The following LRP6 variants were observed in gnomAD, a reference collection of about 807,000 sequenced individuals.
LRP6 encodes the protein LDL receptor related protein 6, also known as low-density lipoprotein receptor-related protein 6.
In LRP6, 43 loss-of-function variants were observed where a neutral mutation model predicts 184.1. The ratio of observed to expected loss-of-function variants is 0.23; its 90% CI spans 0.18 to 0.30. The LOEUF (loss-of-function observed/expected upper bound fraction) is 0.30. LRP6 is among the 10% of genes least tolerant of loss of function. The probability of loss-of-function intolerance (pLI) is 1.00; values close to 1 mark genes in which losing one functional copy is unlikely to be tolerated. For synonymous variants in LRP6, 719 were observed against 684.9 expected (o/e 1.05, Z -0.78); for missense variants, 1,571 against 2,005.3 (o/e 0.78, Z 4.14).
At chr12:12,171,335 T>A (rs1016494698) in intron 7 of LRP6, among the ~76,000 whole-genome samples, 1 of 151,944 alleles carries the variant, frequency 6.6e-6, no homozygotes, top group Non-Finnish European at 1.5e-5. Context: ...GCTAACATGG[T>A]GAAACTCCAT....
At chr12:12,172,885 A>T (rs1339379652) in intron 7 of LRP6, among the ~76,000 whole-genome samples, 2 of 152,228 alleles carry the variant, frequency 1.3e-5, no homozygotes, top group Non-Finnish European at 2.9e-5. Flanking sequence ...AGAGAGAGGT[A>T]GGGGCAATTA....
At position 12,120,018 on chromosome 12, in the gene LRP6, T is replaced by TATATATATATATAA; in HGVS notation, c.*1107_*1108insTTATATATATATAT. On this transcript the variant is annotated 3_prime_UTR_variant, in exon 23 of 23. Transcript: ENST00000261349. ...ATATATATATATATATATATATATA[T>TATATATATATATAA]ATATATATATATATATATATATATA... 9.6e-6 allele frequency: 1 copy of TATATATATATATAA among 103,688 alleles called. No homozygotes were observed. Among genetic ancestry groups the TATATATATATATAA allele is most frequent in the Non-Finnish European group, 2.2e-5 (1 of 44,732 alleles). 6.4% of individuals were successfully genotyped at this position (103,688 alleles called of 1,614,324 possible). A position where few individuals can be genotyped will look rare whatever the true frequency, so the allele number is the denominator to read the frequency against.
chr12:12,228,164 A>C (rs576548150), intron 2 of LRP6, among the ~76,000 whole-genome samples: 3 of 152,178 alleles, frequency 2.0e-5, no homozygotes, highest in African/African-American at 7.2e-5. Flanking sequence ...TGAGGTCGGG[A>C]GCTCAGGACC....
At chr12:12,151,147 G>A (rs1341521101) in intron 12 of LRP6, 109 bp from the exon 13 acceptor site, 2 of 1,022,422 alleles carry the variant, frequency 2.0e-6, no homozygotes, top group Non-Finnish European at 3.0e-6. Flanking sequence ...AGACATAGAT[G>A]TTGAAGAGCT....
rs139785299 is a variant in LRP6 at position 12,228,889 on chromosome 12, C to T, written c.449+15373G>A. ...AGCAGAAAATGGCAATAGGCCCCAGCGAGCTAGGAAAGAGGCATTCATTGC... is the reference window on the plus strand; with the variant it reads ...AGCAGAAAATGGCAATAGGCCCCAGTGAGCTAGGAAAGAGGCATTCATTGC... On this transcript the variant is annotated intron_variant, in intron 2 of 22. Coordinates refer to ENST00000261349, the MANE Select transcript of LRP6 (RefSeq NM_002336.3). 2.5e-3 allele frequency among the ~76,000 whole-genome samples: 375 copies of T among 152,226 alleles called. 1 individual carries two copies. Among genetic ancestry groups the T allele is most frequent in the African/African-American group, 8.2e-3 (339 of 41,524 alleles).
At chr12:12,139,506 G>A (rs776131589) in intron 15 of LRP6, among the ~76,000 whole-genome samples, 2 of 152,130 alleles carry the variant, frequency 1.3e-5, no homozygotes, top group African/African-American at 2.4e-5. Context: ...GGAGGATCAC[G>A]TGAGCCTAGG....
intron 3 of LRP6, among the ~76,000 whole-genome samples, chr12:12,190,040 A>G (rs1269808390): frequency 6.6e-6 from 1 of 152,100 alleles, no homozygotes; most frequent in Non-Finnish European, 1.5e-5. Context: ...CTTACTAAAC[A>G]CTCTGGGGAT....
rs780462025 is a variant in LRP6, at chr12:12,135,296, C to T, written c.3612G>A (p.Gln1204=). 3 of 1,611,896 alleles carry T rather than the reference C, an allele frequency of 1.9e-6. No individual in the cohort carries two copies. Among genetic ancestry groups the T allele is most frequent in the Non-Finnish European group, 2.5e-6 (3 of 1,179,090 alleles). ...CACCATTATCCTGAGCACAAGGGTG[C>T]TGTCCTGCAAAGAGAAGAGGTGAGG... ...VKELNLQEYR[Q]HPCAQDNGGC... is the part of the protein sequence containing the mutation. Residue 1204 remains glutamine (Q), a synonymous_variant, in exon 17 of 23, where the codon CAG becomes CAA. Coordinates refer to ENST00000261349, the MANE Select transcript of LRP6 (RefSeq NM_002336.3).
intron 1 of LRP6, among the ~76,000 whole-genome samples, chr12:12,260,168 G>C (rs531890054): frequency 1.3e-5 from 2 of 152,254 alleles, no homozygotes. Flanking sequence ...CACCAGGTCA[G>C]GAGATGGAGA....
At chr12:12,217,676 A>C (rs764650160) in intron 2 of LRP6, among the ~76,000 whole-genome samples, 1 of 152,206 alleles carries the variant, frequency 6.6e-6, no homozygotes, top group Non-Finnish European at 1.5e-5. Flanking sequence ...TGATACTAGC[A>C]TAAGGACAGA....
chr12:12,208,170 A>G (rs191555114), intron 2 of LRP6, among the ~76,000 whole-genome samples: 96 of 152,348 alleles, frequency 6.3e-4, no homozygotes, highest in Admixed American at 2.3e-3. Flanking sequence ...CACACATAAA[A>G]GAGTACCTAC....
intron 1 of LRP6, among the ~76,000 whole-genome samples, chr12:12,247,658 A>G (rs981554964): frequency 6.6e-6 from 1 of 152,100 alleles, no homozygotes; most frequent in African/African-American, 2.4e-5. Flanking sequence ...TTTCTATTAC[A>G]TTGTCACCAG....
intron 15 of LRP6, 29 bp downstream of exon 15, chr12:12,147,332 CAAATT>C (rs1379697227): frequency 5.6e-6 from 9 of 1,608,616 alleles, no homozygotes; most frequent in African/African-American, 1.3e-5. Flanking sequence ...CTTAAAAACT[CAAATT>C]AAAATAAGGA....
At chr12:12,259,995 T>C (rs1865571783) in intron 1 of LRP6, among the ~76,000 whole-genome samples, 1 of 152,238 alleles carries the variant, frequency 6.6e-6, no homozygotes. Context: ...TGCTTAACTC[T>C]TTAATAAGTA....
intron 12 of LRP6, chr12:12,155,285 G>C: frequency 2.7e-6 from 2 of 751,452 alleles, no homozygotes; most frequent in South Asian, 1.3e-5. Context: ...AGGGAAAGAG[G>C]AGAGGCACCC....
intron 12 of LRP6, among the ~76,000 whole-genome samples, chr12:12,157,897 A>G (rs182373426): frequency 2.0e-5 from 3 of 152,270 alleles, no homozygotes; most frequent in African/African-American, 7.2e-5. Flanking sequence ...CCCCTAGCCA[A>G]CAATGTTTTG....
At chr12:12,173,883 A>G (rs1591914037) in intron 7 of LRP6, among the ~76,000 whole-genome samples, 1 of 152,176 alleles carries the variant, frequency 6.6e-6, no homozygotes, top group African/African-American at 2.4e-5. Context: ...CAGGTTTACA[A>G]CTCAATGAAC....
chr12:12,138,201 A>C, intron 16 of LRP6, 124 bp downstream of exon 16: 1 of 942,690 alleles, frequency 1.1e-6, no homozygotes, highest in East Asian at 2.5e-5. Context: ...GAGTTCAAAA[A>C]AATGGCAAAA....
chr12:12,261,507 C>T (rs1005102576), intron 1 of LRP6, among the ~76,000 whole-genome samples: 1 of 151,798 alleles, frequency 6.6e-6, no homozygotes, highest in African/African-American at 2.4e-5. Context: ...ATTGTTTAGC[C>T]AAATGAGCAA....
Sources: gnomAD v4.1 joint callset for allele counts (sites outside exome capture counted in the v4.1 genomes callset) on GRCh38, gnomAD v4.1.1 for gene constraint, MANE v1.5 for transcripts, NCBI Gene and HGNC (gene_info 2026-07-23, HGNC 2026-07-21) for gene names.